The following PLAC1 variants were observed in gnomAD, a reference collection of about 807,000 sequenced individuals.
PLAC1 encodes the protein placenta associated 1.
For synonymous variants in PLAC1, 68 were observed against 62.1 expected, an observed-to-expected ratio of 1.09 and a Z score of -0.44; for missense variants, 136 against 163.2, an observed-to-expected ratio of 0.83 and a Z score of 0.91.
Position 134,736,742 on chromosome X carries a change from G to C in PLAC1, n.90-3223C>G, listed in dbSNP as rs769052265. Among the ~76,000 whole-genome samples, 3 of 112,175 alleles carry C rather than the reference G, an allele frequency of 2.7e-5. No individual in the cohort carries two copies. The South Asian group carries it at 1.1e-3, about 42-fold the overall frequency. On this transcript the variant is annotated intron_variant and non_coding_transcript_variant, in intron 1 of 2. Coordinates refer to the PLAC1 transcript ENST00000466797. ...CTCTTCAACCTCTCACTAAACATTT[G>C]TTGTCTGGCCGGCACAGCTGCAGGC... is the stretch of plus-strand genomic sequence containing the variant.
At chrX:134,580,654 G>A (rs1276412107) in intron 2 of PLAC1, among the ~76,000 whole-genome samples, 1 of 111,440 alleles carries the variant, frequency 9.0e-6, no homozygotes, top group Non-Finnish European at 1.9e-5. Context: ...TCAAGCAGGG[G>A]AAATTGAGAA....
At chrX:134,688,262 A>G (rs908314654) in intron 2 of PLAC1, among the ~76,000 whole-genome samples, 1 of 111,616 alleles carries the variant, frequency 9.0e-6, no homozygotes, top group African/African-American at 3.3e-5. Context: ...AGTTATGCTT[A>G]AGGAGGTATA....
chrX:134,708,921 A>C (rs189321926), intron 2 of PLAC1, among the ~76,000 whole-genome samples: 117 of 111,867 alleles, frequency 1.0e-3, no homozygotes, highest in Non-Finnish European at 1.7e-3. Context: ...TCGAATTCTT[A>C]GTTTTGATAC....
At chrX:134,642,372 G>A (rs1233507046) in intron 1 of PLAC1, among the ~76,000 whole-genome samples, 2 of 111,934 alleles carry the variant, frequency 1.8e-5, no homozygotes, top group Non-Finnish European at 3.8e-5. Flanking sequence ...TTATGGGTGG[G>A]TTGCTACCTC....
At chrX:134,678,954 T>G (rs1372782869) in intron 2 of PLAC1, among the ~76,000 whole-genome samples, 2 of 110,374 alleles carry the variant, frequency 1.8e-5, no homozygotes, top group Non-Finnish European at 3.8e-5. Context: ...GAGATCAGAG[T>G]GATGCAGCCA....
At chrX:134,650,912 G>T in intron 1 of PLAC1, 1 of 174,922 alleles carries the variant, frequency 5.7e-6, no homozygotes, top group South Asian at 1.3e-4. Context: ...AGGCTCTTCT[G>T]GAGCCAAAGA....
chrX:134,706,762 AAAC>A (rs755729008), intron 2 of PLAC1, among the ~76,000 whole-genome samples: 3 of 111,938 alleles, frequency 2.7e-5, no homozygotes, highest in Non-Finnish European at 3.8e-5. Context: ...TAGAATGAGA[AAAC>A]AACCAAAATT....
intron 1 of PLAC1, among the ~76,000 whole-genome samples, chrX:134,606,561 T>C (rs751864788): frequency 1.8e-5 from 2 of 112,158 alleles, no homozygotes; most frequent in East Asian, 2.8e-4. Flanking sequence ...GGAATGCTTA[T>C]GTACTGTTGG....
chrX:134,590,559 T>C (rs925646281), intron 2 of PLAC1, among the ~76,000 whole-genome samples: 6 of 112,025 alleles, frequency 5.4e-5, no homozygotes, highest in African/African-American at 2.0e-4. Flanking sequence ...TAATAAAGAA[T>C]GCATAACAGA....
intron 2 of PLAC1, among the ~76,000 whole-genome samples, chrX:134,582,807 GA>G: frequency 9.0e-6 from 1 of 111,511 alleles, no homozygotes; most frequent in Non-Finnish European, 1.9e-5. Context: ...TATAAGGACA[GA>G]AAAAAAGGTG....
chrX:134,714,216 C>T (rs2078636727), intron 2 of PLAC1, among the ~76,000 whole-genome samples: 1 of 111,505 alleles, frequency 9.0e-6, no homozygotes, highest in South Asian at 3.7e-4. Flanking sequence ...TTGCTTGTTG[C>T]ATTTTCAGAG....
intron 2 of PLAC1, among the ~76,000 whole-genome samples, chrX:134,579,561 G>A (rs2077964121): frequency 1.8e-5 from 2 of 111,726 alleles, no homozygotes; most frequent in Admixed American, 1.9e-4. Context: ...GGCTGTGGGA[G>A]CAATTTCCCA....
intron 1 of PLAC1, among the ~76,000 whole-genome samples, chrX:134,621,171 C>T (rs1035127279): frequency 2.7e-5 from 3 of 110,807 alleles, no homozygotes; most frequent in African/African-American, 9.9e-5. Flanking sequence ...CTTGGCCAGG[C>T]GCAGTGGCTC....
chrX:134,598,495 T>A (rs1487225870), intron 2 of PLAC1, among the ~76,000 whole-genome samples: 1 of 112,333 alleles, frequency 8.9e-6, no homozygotes, highest in African/African-American at 3.2e-5. Context: ...TAGAATATAG[T>A]AGACACTCAA....
chrX:134,714,853 A>G (rs1229712318), intron 2 of PLAC1, among the ~76,000 whole-genome samples: 3 of 112,096 alleles, frequency 2.7e-5, no homozygotes, highest in Non-Finnish European at 5.6e-5. Flanking sequence ...ATAGTATTCC[A>G]TTGCATGTGT....
intron 2 of PLAC1, among the ~76,000 whole-genome samples, chrX:134,578,151 C>A (rs1368070594): frequency 9.0e-6 from 1 of 111,212 alleles, no homozygotes; most frequent in Admixed American, 9.5e-5. Context: ...CAGTGGCTCA[C>A]GCCTGTAATC....
intron 1 of PLAC1, among the ~76,000 whole-genome samples, chrX:134,752,400 C>T (rs935313985): frequency 8.9e-6 from 1 of 111,770 alleles, no homozygotes; most frequent in African/African-American, 3.3e-5. Flanking sequence ...CTTGGTGTTA[C>T]ATGAAGGAAG....
intron 1 of PLAC1, among the ~76,000 whole-genome samples, chrX:134,757,115 T>C (rs1305354500): frequency 8.9e-6 from 1 of 112,451 alleles, no homozygotes; most frequent in African/African-American, 3.2e-5. Context: ...CTGATTCAGA[T>C]AGGGATTATA....
intron 2 of PLAC1, among the ~76,000 whole-genome samples, chrX:134,581,252 A>G (rs2124361590): frequency 9.0e-6 from 1 of 111,149 alleles, no homozygotes; most frequent in African/African-American, 3.3e-5. Flanking sequence ...CATGTTGGAA[A>G]CAACCAGAGC....
Sources: allele counts gnomAD v4.1 joint callset (sites outside exome capture counted in the v4.1 genomes callset), GRCh38; gene constraint gnomAD v4.1.1; transcripts MANE v1.5; gene names NCBI Gene and HGNC (gene_info 2026-07-23, HGNC 2026-07-21).